Variants in CPNE4 observed in about 807,000 individuals in gnomAD.
CPNE4 encodes copine 4, also known as copine-4.
CPNE4 carries 25 observed loss-of-function variants against 67.9 expected under a neutral mutation model. The ratio of observed to expected loss-of-function variants is 0.37; its 90% CI spans 0.27 to 0.51. The LOEUF is 0.51. Among genes scored for constraint, CPNE4 ranks in the 20% least tolerant of loss-of-function variants. The probability of loss-of-function intolerance (pLI) is 0.93; values close to 1 mark genes in which losing one functional copy is unlikely to be tolerated. For missense variants in CPNE4, 464 were observed against 690.8 expected (o/e 0.67, Z 3.68); for synonymous variants, 242 against 244.9 (o/e 0.99, Z 0.11).
chr3:131,557,202 G>T (rs999625087), intron 11 of CPNE4, among the ~76,000 whole-genome samples: 1 of 152,134 alleles, frequency 6.6e-6, no homozygotes, highest in Admixed American at 6.5e-5. Flanking sequence ...TCTTGGCAAG[G>T]ACGTGTCCTT....
intron 1 of CPNE4, among the ~76,000 whole-genome samples, chr3:131,909,092 C>A (rs151050725): frequency 1.3e-5 from 2 of 152,230 alleles, no homozygotes; most frequent in East Asian, 3.9e-4. Context: ...GTATTTACAA[C>A]CTGTACAATC....
intron 3 of CPNE4, among the ~76,000 whole-genome samples, chr3:131,721,238 G>A (rs1404585496): frequency 7.9e-5 from 12 of 151,406 alleles, no homozygotes; most frequent in African/African-American, 2.9e-4. Flanking sequence ...TGTCTTACTT[G>A]CAAGGTTAAG....
At chr3:131,870,009 TAAG>T (rs2087125080) in intron 2 of CPNE4, among the ~76,000 whole-genome samples, 1 of 152,118 alleles carries the variant, frequency 6.6e-6, no homozygotes, top group Non-Finnish European at 1.5e-5. Flanking sequence ...TTAATTTTGT[TAAG>T]AAGGAAGGAA....
chr3:131,535,484 T>G (rs1257500294), intron 15 of CPNE4, among the ~76,000 whole-genome samples, 155 bp from the exon 16 acceptor site: 1 of 152,238 alleles, frequency 6.6e-6, no homozygotes, highest in Non-Finnish European at 1.5e-5. Context: ...AGTTGTCAGA[T>G]TGTTGGAAAA....
At chr3:131,904,435 G>A (rs9874137) in intron 2 of CPNE4, among the ~76,000 whole-genome samples, 31,091 of 152,022 alleles carry the variant, frequency 0.2, 3,865 homozygotes, top group Non-Finnish European at 0.27. Context: ...CTTCAGTCCT[G>A]AAGACTGGGT....
chr3:131,772,925 C>G (rs1388448662), intron 2 of CPNE4, among the ~76,000 whole-genome samples: 1 of 152,084 alleles, frequency 6.6e-6, no homozygotes, highest in African/African-American at 2.4e-5. Context: ...GACAGTGTTT[C>G]TTTAAGAACT....
chr3:131,911,873 A>G (rs1383222014), intron 1 of CPNE4, among the ~76,000 whole-genome samples: 1 of 152,146 alleles, frequency 6.6e-6, no homozygotes, highest in Non-Finnish European at 1.5e-5. Flanking sequence ...GAGGTGGTAC[A>G]CAGGACAGTG....
chr3:132,034,893 G>C lies in CPNE4; in HGVS notation c.-328C>G. ...CGGAGAGTAAAGAGGAGGGTACTGA[G>C]AAAAGAGGGAGGGAGTGGAGTGGAG... On this transcript the variant is annotated 5_prime_UTR_variant, in exon 1 of 16. Transcript: ENST00000429747. 3.0e-6 allele frequency: 3 copies of C among 985,462 alleles called. No individual in the cohort carries two copies. Among genetic ancestry groups the C allele is most frequent in the Non-Finnish European group, 3.6e-6 (3 of 829,966 alleles). 61.0% of individuals were successfully genotyped at this position (985,462 alleles called of 1,614,324 possible).
chr3:131,665,010 G>A lies in CPNE4; in HGVS notation c.681+4665C>T, dbSNP rs946113702. On this transcript the variant is annotated intron_variant, in intron 7 of 15. Transcript: ENST00000429747. ...GTATTGAATATCATAGGTAATTAAG[G>A]CTCAGTAGACATGGCTGAGAAAGCA... is the stretch of plus-strand genomic sequence containing the variant. Among the ~76,000 whole-genome samples, 3 of 152,030 alleles carry A rather than the reference G, an allele frequency of 2.0e-5. No homozygotes were observed. The South Asian group carries it at 6.2e-4, about 32-fold the overall frequency.
chr3:131,941,916 C>T (rs2107858929), intron 1 of CPNE4, among the ~76,000 whole-genome samples: 1 of 152,066 alleles, frequency 6.6e-6, no homozygotes, highest in African/African-American at 2.4e-5. Flanking sequence ...AAAAGAATGC[C>T]TAAGTTCTCT....
chr3:131,951,820 CTCCCGAGGTGCCGGGA>C (rs1463357926), intron 1 of CPNE4, among the ~76,000 whole-genome samples: 6 of 152,326 alleles, frequency 3.9e-5, no homozygotes, highest in East Asian at 3.9e-4. Flanking sequence ...CAGCCTCGGC[CTCCCGAGGTGCCGGGA>C]TTGCAGACGG....
intron 1 of CPNE4, among the ~76,000 whole-genome samples, chr3:131,913,364 A>G (rs1431939031): frequency 3.3e-5 from 5 of 152,174 alleles, no homozygotes; most frequent in African/African-American, 4.8e-5. Context: ...GTATATAACC[A>G]TCGGGGGCAT....
rs1367911367 is a variant in CPNE4 at position 131,990,065 on chromosome 3, C to A, written c.-2+44502G>T. On this transcript the variant is annotated intron_variant, in intron 1 of 15. Coordinates refer to ENST00000429747, the MANE Select transcript of CPNE4 (RefSeq NM_130808.3). ...GCCCACATTCTCTTCAGGTGAATTG[C>A]AATGCCCATTGTTTCACTGGTAACT... 2.2e-5 allele frequency among the ~76,000 whole-genome samples: 3 copies of A among 136,416 alleles called. 1 individual carries two copies. The highest frequency in any genetic ancestry group is 5.0e-5 in the Non-Finnish European group (3 of 60,008). 89.5% of individuals were successfully genotyped at this position (136,416 alleles called of 152,430 possible). A position where few individuals can be genotyped will look rare whatever the true frequency, so the allele number is the denominator to read the frequency against.
At chr3:131,987,075 A>G (rs1156303321) in intron 1 of CPNE4, among the ~76,000 whole-genome samples, 2 of 152,216 alleles carry the variant, frequency 1.3e-5, no homozygotes, top group African/African-American at 4.8e-5. Context: ...CCATAAAAAC[A>G]CTTCTCAAAT....
intron 1 of CPNE4, among the ~76,000 whole-genome samples, chr3:131,935,643 G>T (rs978705808): frequency 1.3e-5 from 2 of 152,112 alleles, no homozygotes; most frequent in African/African-American, 4.8e-5. Flanking sequence ...GGCCTTCAAT[G>T]ATCAAAACTG....
At chr3:131,591,006 G>C (rs929890307) in intron 7 of CPNE4, among the ~76,000 whole-genome samples, 4 of 152,168 alleles carry the variant, frequency 2.6e-5, no homozygotes. Flanking sequence ...AATCACTCAG[G>C]ATGTGCACTG....
At chr3:131,693,769 C>A (rs1018411977) in intron 5 of CPNE4, among the ~76,000 whole-genome samples, 9 of 152,176 alleles carry the variant, frequency 5.9e-5, no homozygotes, top group African/African-American at 1.9e-4. Context: ...CTCTTCCTGG[C>A]TTCCTACTTC....
At chr3:131,605,418 G>T (rs1033517414) in intron 7 of CPNE4, among the ~76,000 whole-genome samples, 4 of 151,996 alleles carry the variant, frequency 2.6e-5, no homozygotes, top group African/African-American at 9.7e-5. Flanking sequence ...TCTCCAGTGT[G>T]TATTGTTCCC....
intron 2 of CPNE4, among the ~76,000 whole-genome samples, chr3:131,853,192 AAAAGTGTGATACTGATATAAGG>A (rs1245752186): frequency 6.6e-6 from 1 of 151,894 alleles, no homozygotes; most frequent in Non-Finnish European, 1.5e-5. Flanking sequence ...ATAGTAATCA[AAAAGTGTGATACTGATATAAGG>A]ATAGACAAAT....
Sources: allele counts gnomAD v4.1 joint callset (sites outside exome capture counted in the v4.1 genomes callset), GRCh38; gene constraint gnomAD v4.1.1; transcripts MANE v1.5; gene names NCBI Gene and HGNC (gene_info 2026-07-23, HGNC 2026-07-21).